Variants in STIM2 observed in about 807,000 individuals in gnomAD.
STIM2 encodes the protein stromal interaction molecule 2.
In STIM2, 31 loss-of-function variants were observed where a neutral mutation model predicts 85.8. The observed-to-expected ratio is 0.36, with a 90% CI of 0.27 to 0.49. The LOEUF is 0.49. Among genes scored for constraint, STIM2 ranks in the 20% least tolerant of loss-of-function variants. The pLI is 0.98. For missense variants in STIM2, 841 were observed against 927.6 expected (o/e 0.91, Z 1.21); for synonymous variants, 356 against 331.1 (o/e 1.08, Z -0.82).
rs1729000067 is a variant in STIM2, at chr4:27,023,942, A to G, written c.*946A>G. 1 of 152,632 alleles carries G rather than the reference A, an allele frequency of 6.6e-6. No individual in the cohort carries two copies. The highest frequency in any genetic ancestry group is 2.4e-5 in the African/African-American group (1 of 41,458). The allele number at this position is 152,632 out of a possible 1,614,324, so 9.5% of individuals were successfully genotyped here. A position where few individuals can be genotyped will look rare whatever the true frequency, so the allele number is the denominator to read the frequency against. On this transcript the variant is annotated 3_prime_UTR_variant, in exon 12 of 12. Transcript: ENST00000467087. ...GTGAAAAATGTGTACTGTGGAAAAG[A>G]TAATAAATTGAAGACATTATTGTGT...
At chr4:26,973,717 G>A (rs1471246421) in intron 3 of STIM2, among the ~76,000 whole-genome samples, 2 of 152,186 alleles carry the variant, frequency 1.3e-5, no homozygotes, top group Admixed American at 1.3e-4. Flanking sequence ...ATGTTCTGTT[G>A]ATTAGGGCTG....
chr4:27,006,414 G>C (rs1290884095), intron 7 of STIM2, among the ~76,000 whole-genome samples: 5 of 152,144 alleles, frequency 3.3e-5, no homozygotes, highest in Admixed American at 2.6e-4. Context: ...GCTCTTCAGT[G>C]TCCTTAGTTA....
chr4:26,917,329 C>T (rs1356661865), intron 1 of STIM2, among the ~76,000 whole-genome samples: 1 of 152,080 alleles, frequency 6.6e-6, no homozygotes, highest in Non-Finnish European at 1.5e-5. Flanking sequence ...TCATAGTCCC[C>T]AGTAAAATAT....
Position 26,898,149 on chromosome 4 carries a change from A to G in STIM2, c.152-21355A>G, listed in dbSNP as rs377472097. 7.2e-5 allele frequency among the ~76,000 whole-genome samples: 11 copies of G among 152,320 alleles called. No homozygotes were observed. In the East Asian group the frequency reaches 1.5e-3, roughly 21 times the overall value. On this transcript the variant is annotated intron_variant, in intron 1 of 11. Coordinates refer to ENST00000467087, the MANE Select transcript of STIM2 (RefSeq NM_020860.4). ...GCATTTAGTTATGTTCACTTTTCAGACAGCACTTCTTTTTTCCTCAGGCAA... is the reference window on the plus strand; with the variant it reads ...GCATTTAGTTATGTTCACTTTTCAGGCAGCACTTCTTTTTTCCTCAGGCAA...
chr4:26,876,931 A>T (rs1312885376), intron 1 of STIM2, among the ~76,000 whole-genome samples: 1 of 152,114 alleles, frequency 6.6e-6, no homozygotes, highest in African/African-American at 2.4e-5. Flanking sequence ...TAGTTATTTC[A>T]AGCTGTATTT....
intron 3 of STIM2, among the ~76,000 whole-genome samples, chr4:26,988,963 C>A (rs531745475): frequency 3.2e-4 from 49 of 152,276 alleles, no homozygotes; most frequent in African/African-American, 1.2e-3. Flanking sequence ...GGGACGGAGT[C>A]TCACTCTGTC....
At chr4:26,999,675 G>A (rs1728076093) in intron 5 of STIM2, among the ~76,000 whole-genome samples, 1 of 152,068 alleles carries the variant, frequency 6.6e-6, no homozygotes, top group Admixed American at 6.6e-5. Context: ...TATTCACTGA[G>A]GAATCTCTTA....
In STIM2 at chr4:27,023,061, T is replaced by C. The variant is rs2109150458; in HGVS notation, c.*65T>C. ...TAAACTATTATCCCCCACCCTCCAC[T>C]CCCCACCTTTTTTTTGGTTTAATTT... On this transcript the variant is annotated 3_prime_UTR_variant, in exon 12 of 12. Coordinates refer to ENST00000467087, the MANE Select transcript of STIM2 (RefSeq NM_020860.4). 6.9e-7 allele frequency: 1 copy of C among 1,453,616 alleles called. No individual in the cohort carries two copies. Among genetic ancestry groups the C allele is most frequent in the Non-Finnish European group, 9.3e-7 (1 of 1,078,438 alleles). The allele number at this position is 1,453,616 out of a possible 1,614,324, so 90.0% of individuals were successfully genotyped here.
chr4:26,963,407 G>A (rs1329901377), intron 3 of STIM2, among the ~76,000 whole-genome samples: 1 of 152,090 alleles, frequency 6.6e-6, no homozygotes, highest in Non-Finnish European at 1.5e-5. Context: ...ACTGTAAATA[G>A]AAAAGTGTGT....
In STIM2 at chr4:26,988,073, G is replaced by C. The variant is rs369785950; in HGVS notation, c.398-7306G>C. Among the ~76,000 whole-genome samples, 6 of 152,222 alleles carry C rather than the reference G, an allele frequency of 3.9e-5. No homozygotes were observed. In the East Asian group the frequency reaches 7.7e-4, roughly 20 times the overall value. ...AGATTTCTTTCAAAGATAGTTGTTG[G>C]GGGTTAAATGAGAATGTATGTAAAG... On this transcript the variant is annotated intron_variant, in intron 3 of 11. Coordinates refer to ENST00000467087, the MANE Select transcript of STIM2 (RefSeq NM_020860.4).
intron 1 of STIM2, among the ~76,000 whole-genome samples, chr4:26,872,554 T>C (rs1050603841): frequency 3.3e-5 from 5 of 152,208 alleles, no homozygotes; most frequent in African/African-American, 4.8e-5. Flanking sequence ...TTTATAGATA[T>C]GTATGCATAT....
intron 2 of STIM2, among the ~76,000 whole-genome samples, chr4:26,947,701 C>T (rs1196451306): frequency 6.6e-6 from 1 of 152,194 alleles, no homozygotes; most frequent in Non-Finnish European, 1.5e-5. Context: ...CGCTTCCTCC[C>T]CAGGTCTGAG....
intron 4 of STIM2, among the ~76,000 whole-genome samples, chr4:26,998,557 T>C (rs1273775867): frequency 1.3e-5 from 2 of 152,182 alleles, no homozygotes; most frequent in Non-Finnish European, 2.9e-5. Flanking sequence ...AAGTTACTTA[T>C]GGTTTTATTA....
At chr4:27,014,649 A>G (rs1262940788) in intron 10 of STIM2, among the ~76,000 whole-genome samples, 2 of 151,826 alleles carry the variant, frequency 1.3e-5, no homozygotes, top group African/African-American at 4.8e-5. Context: ...TGGAAATTAC[A>G]TTTTCTTAAT....
At chr4:26,921,644 C>T (rs1422707479) in intron 2 of STIM2, among the ~76,000 whole-genome samples, 1 of 152,180 alleles carries the variant, frequency 6.6e-6, no homozygotes, top group Non-Finnish European at 1.5e-5. Context: ...AAATATGTTC[C>T]TTTTTCTTCC....
intron 7 of STIM2, among the ~76,000 whole-genome samples, chr4:27,005,048 T>A (rs1214271120): frequency 1.3e-5 from 2 of 152,228 alleles, no homozygotes; most frequent in Non-Finnish European, 2.9e-5. Flanking sequence ...AAAGTCTGTG[T>A]CTTCTTATAC....
chr4:26,969,946 G>A (rs1445409594), intron 3 of STIM2, among the ~76,000 whole-genome samples: 4 of 151,968 alleles, frequency 2.6e-5, no homozygotes, highest in African/African-American at 9.7e-5. Flanking sequence ...TTACAGTATA[G>A]TGTATCTTCT....
intron 3 of STIM2, among the ~76,000 whole-genome samples, chr4:26,961,412 C>G (rs1726463660): frequency 6.6e-6 from 1 of 152,088 alleles, no homozygotes; most frequent in Non-Finnish European, 1.5e-5. Context: ...TGATGTGACC[C>G]CTAATTACTA....
chr4:26,928,215 T>C (rs887298083), intron 2 of STIM2, among the ~76,000 whole-genome samples: 2 of 152,172 alleles, frequency 1.3e-5, no homozygotes, highest in African/African-American at 4.8e-5. Flanking sequence ...AGAACCTCCC[T>C]GTTACCTCTT....
Sources: allele counts gnomAD v4.1 joint callset (sites outside exome capture counted in the v4.1 genomes callset), GRCh38; gene constraint gnomAD v4.1.1; transcripts MANE v1.5; gene names NCBI Gene and HGNC (gene_info 2026-07-23, HGNC 2026-07-21).